The following CREB3L1 variants were observed in gnomAD, a reference collection of about 807,000 sequenced individuals.
CREB3L1 encodes cAMP responsive element binding protein 3 like 1.
In CREB3L1, 33 loss-of-function variants were observed where a neutral mutation model predicts 54.5. The ratio of observed to expected loss-of-function variants is 0.61; its 90% CI spans 0.46 to 0.81. The LOEUF (loss-of-function observed/expected upper bound fraction) is 0.81, where lower values mean the gene tolerates loss of function less well. CREB3L1 is among the 30% of genes least tolerant of loss of function. The pLI, the probability that CREB3L1 is intolerant of heterozygous loss-of-function variation, is 0.00. For synonymous variants in CREB3L1, 284 were observed against 286.4 expected (o/e 0.99, Z 0.08); for missense variants, 656 against 673.3 (o/e 0.97, Z 0.29).
In CREB3L1 at chr11:46,278,195, G is replaced by A. The variant is rs1037167953; in HGVS notation, c.84G>A (p.Ser28=). 4.5e-6 allele frequency: 7 copies of A among 1,571,234 alleles called. No homozygotes were observed. Among genetic ancestry groups the A allele is most frequent in the Non-Finnish European group, 6.0e-6 (7 of 1,158,058 alleles). Residue 28 remains serine, a synonymous_variant, in exon 1 of 12, where the codon TCG becomes TCA. Coordinates refer to ENST00000621158, the MANE Select transcript of CREB3L1 (RefSeq NM_052854.4). This position sits in a 1 kb window ranked among gnomAD's most constrained non-coding sequence, Gnocchi z 4.2. ...SFLDLGDLNE[S]DFLNNAHFPE... ...TGGACTTGGGGGATCTGAACGAGTC[G>A]GACTTCCTCAACAATGCGGTAAGAT...
At chr11:46,293,990 A>C (rs745587166) in intron 1 of CREB3L1, among the ~76,000 whole-genome samples, 2 of 152,120 alleles carry the variant, frequency 1.3e-5, no homozygotes, top group Admixed American at 6.5e-5. Flanking sequence ...TGTATGTGTG[A>C]TAGCGCCTGT....
intron 2 of CREB3L1, among the ~76,000 whole-genome samples, chr11:46,304,299 C>T (rs1447297713): frequency 6.6e-6 from 1 of 152,082 alleles, no homozygotes; most frequent in African/African-American, 2.4e-5. Flanking sequence ...ATGGAGAAAC[C>T]CCGTCTCTAC....
rs558175804 is a variant in CREB3L1 at position 46,287,489 on chromosome 11, G to GT, written c.102+9284dup. On this transcript the variant is annotated intron_variant, in intron 1 of 11. Transcript: ENST00000621158. The stretch of plus-strand genomic sequence containing the variant: ...AATTTTTTGTATTTTTTGTAAAGAT[G>GT]TTTTTTTTGCCATGTTGCCCAGGCT... 1.6e-3 allele frequency among the ~76,000 whole-genome samples: 239 copies of GT among 151,410 alleles called. 1 individual carries two copies. The highest frequency in any genetic ancestry group is 5.5e-3 in the African/African-American group (226 of 41,316).
At chr11:46,299,602 C>T (rs1478507452) in intron 1 of CREB3L1, among the ~76,000 whole-genome samples, 2 of 152,236 alleles carry the variant, frequency 1.3e-5, no homozygotes, top group Non-Finnish European at 2.9e-5. Flanking sequence ...TGACAAAGGT[C>T]ACAGAGCCCA....
chr11:46,280,835 A>T (rs924605350), intron 1 of CREB3L1, among the ~76,000 whole-genome samples: 1 of 152,124 alleles, frequency 6.6e-6, no homozygotes, highest in African/African-American at 2.4e-5. Flanking sequence ...AGGGTTAAGG[A>T]TGGGTAGGGA....
intron 2 of CREB3L1, among the ~76,000 whole-genome samples, chr11:46,302,758 A>C (rs1046546036): frequency 6.6e-6 from 1 of 152,052 alleles, no homozygotes; most frequent in Non-Finnish European, 1.5e-5. Context: ...CAAGGCAGGC[A>C]GATCACGAGG....
At chr11:46,289,104 G>A (rs577767622) in intron 1 of CREB3L1, among the ~76,000 whole-genome samples, 34 of 152,246 alleles carry the variant, frequency 2.2e-4, no homozygotes, top group Non-Finnish European at 3.8e-4. Context: ...CCGGCCAGGC[G>A]CGGTGGCTCA....
chr11:46,307,994 C>G lies in CREB3L1; in HGVS notation c.510C>G (p.Pro170=). 6.5e-7 allele frequency: 1 copy of G among 1,540,912 alleles called. No individual in the cohort carries two copies. The highest frequency in any genetic ancestry group is 8.7e-7 in the Non-Finnish European group (1 of 1,144,790). ...GLSPLSRLPI[P]HQAPGEMTQL... is the part of the protein sequence containing the mutation. ...GCCCCTTGTCCAGGCTGCCCATCCCCCACCAGGTGAGCCTGGGAACTGTTT... is the reference window on the plus strand; with the variant it reads ...GCCCCTTGTCCAGGCTGCCCATCCCGCACCAGGTGAGCCTGGGAACTGTTT... Residue 170 remains proline (P), a synonymous_variant, in exon 3 of 12, where the codon CCC becomes CCG. Coordinates refer to ENST00000621158, the MANE Select transcript of CREB3L1 (RefSeq NM_052854.4).
At chr11:46,303,981 A>G (rs1939338319) in intron 2 of CREB3L1, among the ~76,000 whole-genome samples, 1 of 152,176 alleles carries the variant, frequency 6.6e-6, no homozygotes, top group Non-Finnish European at 1.5e-5. Context: ...ACTCCAGCCT[A>G]GGCGACAGAG....
intron 2 of CREB3L1, among the ~76,000 whole-genome samples, chr11:46,304,244 G>A (rs1363224541): frequency 6.6e-6 from 1 of 152,158 alleles, no homozygotes; most frequent in Non-Finnish European, 1.5e-5. Flanking sequence ...AGGCCGAGGA[G>A]GGTGGATCAC....
intron 8 of CREB3L1, among the ~76,000 whole-genome samples, chr11:46,313,515 C>T (rs1939521113): frequency 6.6e-6 from 1 of 152,026 alleles, no homozygotes; most frequent in African/African-American, 2.4e-5. Flanking sequence ...GGTGAAACCC[C>T]ATCTCTACTA....
intron 10 of CREB3L1, among the ~76,000 whole-genome samples, chr11:46,317,897 G>A (rs769813531): frequency 6.6e-6 from 1 of 152,188 alleles, no homozygotes; most frequent in Non-Finnish European, 1.5e-5. Flanking sequence ...CAATAAGGTG[G>A]TGGTAGCTGC....
At chr11:46,284,706 A>C (rs998154034) in intron 1 of CREB3L1, among the ~76,000 whole-genome samples, 4 of 151,648 alleles carry the variant, frequency 2.6e-5, no homozygotes, top group Non-Finnish European at 5.9e-5. Flanking sequence ...TGTTCCTTTT[A>C]CTGAACACGT....
At chr11:46,288,074 T>A (rs1027936154) in intron 1 of CREB3L1, among the ~76,000 whole-genome samples, 1 of 151,884 alleles carries the variant, frequency 6.6e-6, no homozygotes. Flanking sequence ...TTTTTTATTT[T>A]ATTTATTTAT....
In CREB3L1 at chr11:46,311,172, C is replaced by G. The variant is rs371931737; in HGVS notation, c.736C>G (p.Leu246Val). ...CTCCACGGCCATCTCCACCTCCCCACTCCTCACTGCCCCTCACGTAAGGAG... is the reference window on the plus strand; with the variant it reads ...CTCCACGGCCATCTCCACCTCCCCAGTCCTCACTGCCCCTCACGTAAGGAG... ...RSSTAISTSP[L>V]LTAPHKLQGT... Residue 246 changes from leucine to valine, a missense_variant, in exon 5 of 12, where the codon CTC becomes GTC. Transcript: ENST00000621158. The G allele has an allele frequency of 1.0e-4, 167 of 1,592,722 alleles. No individual in the cohort carries two copies. Among genetic ancestry groups the G allele is most frequent in the Non-Finnish European group, 1.3e-4 (157 of 1,173,682 alleles).
In CREB3L1 at chr11:46,320,265, G is replaced by C; in HGVS notation, c.1260G>C (p.Met420Ile). The C allele has an allele frequency of 1.3e-6, 2 of 1,597,966 alleles. No homozygotes were observed. The highest frequency in any genetic ancestry group is 1.7e-6 in the Non-Finnish European group (2 of 1,172,022). Residue 420 changes from methionine (M) to isoleucine (I), a missense_variant and splice_region_variant, in exon 11 of 12, where the codon ATG becomes ATC. By Grantham distance (10) the Met-to-Ile change is conservative. Transcript: ENST00000621158. ...GCTCATCCTACACTCCCTCTCCAGT[G>C]CCCTCCCGAAGCCTCCTATTCTACG... ...AADGVYTASQMPSRSLLFYDD... is the reference protein window; with the variant it reads ...AADGVYTASQIPSRSLLFYDD...
At chr11:46,283,413 T>C (rs1053096634) in intron 1 of CREB3L1, among the ~76,000 whole-genome samples, 7 of 152,062 alleles carry the variant, frequency 4.6e-5, no homozygotes, top group African/African-American at 1.7e-4. Flanking sequence ...ACCAGCCCCA[T>C]AGAGAATGGA....
At chr11:46,310,132 C>A in intron 4 of CREB3L1, 65 bp downstream of exon 4, 1 of 1,225,708 alleles carries the variant, frequency 8.2e-7, no homozygotes, top group Non-Finnish European at 1.2e-6. Flanking sequence ...TCCCCACTTC[C>A]TTGGTTCAGC....
chr11:46,281,071 G>A (rs1213559218), intron 1 of CREB3L1, among the ~76,000 whole-genome samples: 3 of 152,212 alleles, frequency 2.0e-5, no homozygotes, highest in Non-Finnish European at 2.9e-5. Context: ...TGTGTTTGGA[G>A]GTGGCTGGGC....
Sources: allele counts gnomAD v4.1 joint callset (sites outside exome capture counted in the v4.1 genomes callset), GRCh38; gene constraint gnomAD v4.1.1; non-coding constraint Gnocchi (gnomAD v3.1); transcripts MANE v1.5; gene names NCBI Gene and HGNC (gene_info 2026-07-23, HGNC 2026-07-21).